STX3: variants seen among roughly 807,000 people sequenced by gnomAD.
STX3 encodes the protein syntaxin 3.
A neutral mutation model predicts 40.2 loss-of-function variants in STX3; 19 were observed. The ratio of observed to expected loss-of-function variants is 0.47; its 90% CI spans 0.33 to 0.69. STX3 has a LOEUF of 0.69. Ranked by LOEUF, STX3 falls within the 30% of genes least tolerant of loss-of-function variation. The pLI is 0.02. For missense variants in STX3, 364 were observed against 366.7 expected (o/e 0.99, Z 0.06); for synonymous variants, 122 against 132.2 (o/e 0.92, Z 0.53).
intron 2 of STX3, among the ~76,000 whole-genome samples, chr11:59,780,715 C>T (rs1864317341): frequency 6.6e-6 from 1 of 152,190 alleles, no homozygotes; most frequent in African/African-American, 2.4e-5. Context: ...TTCTCTTTCG[C>T]TCTGACCTGC....
intron 1 of STX3, among the ~76,000 whole-genome samples, chr11:59,771,392 G>GGCCCCCCCCCCCCCCCCCCCCCCCC (rs1863620232): frequency 2.0e-5 from 1 of 49,126 alleles, no homozygotes; most frequent in African/African-American, 1.0e-4. Flanking sequence ...TTTGCCCCCC[G>GGCCCCCCCCCCCCCCCCCCCCCCCC]TCCCCCCACC....
chr11:59,781,398 G>A (rs1407153419), intron 2 of STX3: 1 of 1,602,544 alleles, frequency 6.2e-7, no homozygotes, highest in Non-Finnish European at 8.5e-7. Context: ...CAATTTTCTT[G>A]TTATTGTGCT....
chr11:59,786,940 T>G, intron 2 of STX3, 97 bp from the exon 3 acceptor site: 1 of 1,004,048 alleles, frequency 1.0e-6, no homozygotes, highest in Non-Finnish European at 1.5e-6. Flanking sequence ...ACCCAGAAGA[T>G]GGGCAGCTTT....
At chr11:59,759,879 A>T (rs1288910530) in intron 1 of STX3, among the ~76,000 whole-genome samples, 2 of 152,214 alleles carry the variant, frequency 1.3e-5, no homozygotes, top group African/African-American at 2.4e-5. Flanking sequence ...ATTTGTTAAT[A>T]AATATTTATC....
intron 2 of STX3, among the ~76,000 whole-genome samples, chr11:59,785,718 G>A (rs1864717663): frequency 6.6e-6 from 1 of 152,202 alleles, no homozygotes; most frequent in Non-Finnish European, 1.5e-5. Context: ...GCTGGAAGCT[G>A]CATATGCATT....
At position 59,803,009 on chromosome 11, in the gene STX3, A is replaced by G. The variant is rs2135056896; in HGVS notation, c.*2185A>G. On this transcript the variant is annotated 3_prime_UTR_variant, in exon 11 of 11. Coordinates refer to ENST00000337979, the MANE Select transcript of STX3 (RefSeq NM_004177.5). ...CTAGAAGGTGGAATGACCATACCAA[A>G]CATCCTTTTAATCTAACTTGAATGT... 1 of 953,116 alleles carries G rather than the reference A, an allele frequency of 1.0e-6. No homozygotes were observed. The highest frequency in any genetic ancestry group is 4.9e-5 in the South Asian group (1 of 20,448). 59.0% of individuals were successfully genotyped at this position (953,116 alleles called of 1,614,324 possible). A position where few individuals can be genotyped will look rare whatever the true frequency, so the allele number is the denominator to read the frequency against.
chr11:59,779,361 C>T (rs977276831), intron 2 of STX3, among the ~76,000 whole-genome samples: 2 of 152,180 alleles, frequency 1.3e-5, no homozygotes, highest in African/African-American at 4.8e-5. Flanking sequence ...AGCAAGCTAG[C>T]TCTTTGGCCT....
chr11:59,774,125 G>A (rs1863820452), intron 2 of STX3, among the ~76,000 whole-genome samples: 1 of 152,110 alleles, frequency 6.6e-6, no homozygotes, highest in Non-Finnish European at 1.5e-5. Flanking sequence ...TGATCTTAAA[G>A]GTCCTCAATG....
In STX3 at chr11:59,802,669, A is replaced by G. The variant is rs140118609; in HGVS notation, c.*1845A>G. The G allele has an allele frequency of 1.0e-6, 1 of 985,658 alleles. No homozygotes were observed. Among genetic ancestry groups the G allele is most frequent in the East Asian group, 1.1e-4 (1 of 8,814 alleles). The allele number at this position is 985,658 out of a possible 1,614,324, so 61.1% of individuals were successfully genotyped here. A position where few individuals can be genotyped will look rare whatever the true frequency, so the allele number is the denominator to read the frequency against. The stretch of plus-strand genomic sequence containing the variant: ...ATGTAAACTTGATTATTTTATTGCT[A>G]ATTTAAAAATAAAAATGACTTTGTA... On this transcript the variant is annotated 3_prime_UTR_variant, in exon 11 of 11. Transcript: ENST00000337979.
At position 59,793,805 on chromosome 11, in the gene STX3, T is replaced by G. The variant is rs371974469; in HGVS notation, c.675+291T>G. On this transcript the variant is annotated intron_variant, in intron 8 of 10. Transcript: ENST00000337979. Reference sequence around the variant, plus strand: ...CAAGTACCCAGTTTTCCTGGATTTTTGATTTTTTTTTTTTTTTTAAGATGG... The same window carrying G: ...CAAGTACCCAGTTTTCCTGGATTTTGGATTTTTTTTTTTTTTTTAAGATGG... Among the ~76,000 whole-genome samples, 5 of 151,838 alleles carry G rather than the reference T, an allele frequency of 3.3e-5. No individual in the cohort carries two copies. The South Asian group carries it at 6.2e-4, about 19-fold the overall frequency.
At chr11:59,782,058 T>C (rs1864418652) in intron 2 of STX3, among the ~76,000 whole-genome samples, 1 of 152,214 alleles carries the variant, frequency 6.6e-6, no homozygotes, top group Non-Finnish European at 1.5e-5. Flanking sequence ...CCTTCCATCT[T>C]ACCCCATGCA....
At position 59,755,568 on chromosome 11, in the gene STX3, G is replaced by T. The variant is rs201796338; in HGVS notation, c.-38G>T. The T allele has an allele frequency of 3.4e-3, 5,420 of 1,591,280 alleles. 218 individuals carry two copies. In the South Asian group the frequency reaches 0.056, roughly 17 times the overall value. On this transcript the variant is annotated 5_prime_UTR_variant, in exon 1 of 11. Transcript: ENST00000337979. ...GCGCTCACCTGGGACGCGCTCACCT[G>T]GGACGCGCTACCTGCCTCCGGGCGC...
chr11:59,801,895 CTGTGGAAA>C lies in STX3; in HGVS notation c.*1076_*1083del. ...CATTTGCTTACCTGCAAATGAATCA[CTGTGGAAA>C]TGTGATCTTCCCATATCATCAAGAA... On this transcript the variant is annotated 3_prime_UTR_variant, in exon 11 of 11. Coordinates refer to ENST00000337979, the MANE Select transcript of STX3 (RefSeq NM_004177.5). The C allele has an allele frequency of 1.0e-6, 1 of 985,148 alleles. No individual in the cohort carries two copies. The highest frequency in any genetic ancestry group is 1.2e-6 in the Non-Finnish European group (1 of 829,900). The allele number at this position is 985,148 out of a possible 1,614,324, so 61.0% of individuals were successfully genotyped here.
chr11:59,792,129 T>C lies in STX3; in HGVS notation c.380T>C (p.Phe127Ser), dbSNP rs779554480. ...CAGCACTCTGTCCTTTCTCGGAAGT[T>C]TGTGGAGGTGATGACCAAATACAAT... ...KSQHSVLSRK[F>S]VEVMTKYNEA... The change falls in exon 6 of 11, where the codon TTT (phenylalanine) becomes TCT (serine). Residue 127 changes from phenylalanine to serine, a missense_variant. Coordinates refer to ENST00000337979, the MANE Select transcript of STX3 (RefSeq NM_004177.5). 1.9e-6 allele frequency: 3 copies of C among 1,614,018 alleles called. No homozygotes were observed. In the East Asian group the frequency reaches 6.7e-5, roughly 36 times the overall value.
chr11:59,755,016 C>T (rs1296741974), upstream of STX3: 8 of 152,296 alleles, frequency 5.3e-5, no homozygotes, highest in Admixed American at 5.2e-4. Context: ...ACTCGACTGC[C>T]ACCCAATGTA....
At chr11:59,792,270 C>T in intron 6 of STX3, 55 bp downstream of exon 6, 1 of 1,519,986 alleles carries the variant, frequency 6.6e-7, no homozygotes, top group Non-Finnish European at 9.1e-7. Flanking sequence ...CCTGGTTGTC[C>T]ATCCCAAGTT....
At chr11:59,800,361 GT>G (rs1395956825) in intron 10 of STX3, 1 of 985,254 alleles carries the variant, frequency 1.0e-6, no homozygotes, top group Non-Finnish European at 1.2e-6. Context: ...GAGCAATGAA[GT>G]TAAGGAACTT....
Position 59,773,229 on chromosome 11 carries a change from G to A in STX3, c.49G>A (p.Asp17Asn). ...QLKAKQLTQD[D>N]DTDAVEIAID... ...TTTGCAGAAGCAGCTGACACAGGAT[G>A]ATGATACTGATGCGGTTGAGATTGC... The change falls in exon 2 of 11, where the codon GAT (aspartate) becomes AAT (asparagine). Residue 17 changes from aspartate to asparagine, a missense_variant. Physicochemically the swap from Asp to Asn is conservative, Grantham distance 23. Coordinates refer to ENST00000337979, the MANE Select transcript of STX3 (RefSeq NM_004177.5). 6.2e-7 allele frequency: 1 copy of A among 1,614,140 alleles called. No individual in the cohort carries two copies. The highest frequency in any genetic ancestry group is 8.5e-7 in the Non-Finnish European group (1 of 1,180,012).
chr11:59,788,997 A>T (rs1352308033), intron 4 of STX3, 50 bp downstream of exon 4: 2 of 1,514,028 alleles, frequency 1.3e-6, no homozygotes, highest in South Asian at 1.2e-5. Context: ...CATCTATCTC[A>T]GCTCCCCTAG....
Sources: gnomAD v4.1 joint callset for allele counts (sites outside exome capture counted in the v4.1 genomes callset) on GRCh38, gnomAD v4.1.1 for gene constraint, MANE v1.5 for transcripts, NCBI Gene and HGNC (gene_info 2026-07-23, HGNC 2026-07-21) for gene names.